ADPRHL1: variants seen among roughly 807,000 people sequenced by gnomAD.
ADPRHL1 encodes ADP-ribosylhydrolase like 1.
ADPRHL1 carries 43 observed loss-of-function variants against 44.1 expected under a neutral mutation model. The ratio of observed to expected loss-of-function variants is 0.98; its 90% CI spans 0.76 to 1.26. The LOEUF is 1.26. Ranked by LOEUF, ADPRHL1 falls within the 50% of genes most tolerant of loss-of-function variation. ADPRHL1 has a pLI of 0.00. For missense variants in ADPRHL1, 2,022 were observed against 2,496.9 expected, an observed-to-expected ratio of 0.81 and a Z score of 4.05; for synonymous variants, 878 against 1,017.4, an observed-to-expected ratio of 0.86 and a Z score of 2.61.
Position 113,403,424 on chromosome 13 carries a change from C to T in ADPRHL1, c.5858G>A (p.Arg1953Lys). ...RDQRAFDLSF[R>K]PMSVRASDTS... ...GTCGCTGGCCCTGACGCTCATTGGT[C>T]TGAAGGACAAATCGAAGGCCCTCTG... Residue 1953 changes from arginine to lysine, a missense_variant, in exon 8 of 8, where the codon AGA becomes AAA. Transcript: ENST00000612156. 8.1e-7 allele frequency: 1 copy of T among 1,232,100 alleles called. No individual in the cohort carries two copies. The highest frequency in any genetic ancestry group is 4.1e-5 in the South Asian group (1 of 24,298). The allele number at this position is 1,232,100 out of a possible 1,614,324, so 76.3% of individuals were successfully genotyped here. A position where few individuals can be genotyped will look rare whatever the true frequency, so the allele number is the denominator to read the frequency against.
At chr13:113,420,950 C>CA (rs1304763771) in intron 7 of ADPRHL1, among the ~76,000 whole-genome samples, 569 of 36,068 alleles carry the variant, frequency 0.016, 22 homozygotes, top group Non-Finnish European at 0.032. Context: ...CAACCCTACC[C>CA]CCCCCGACAC....
chr13:113,438,650 T>C (rs1170321115), intron 2 of ADPRHL1, among the ~76,000 whole-genome samples: 2 of 152,098 alleles, frequency 1.3e-5, no homozygotes, highest in Non-Finnish European at 2.9e-5. Flanking sequence ...GCCGAGATTG[T>C]GCCACTGGGT....
At chr13:113,420,847 C>A (rs2043912337) in intron 7 of ADPRHL1, among the ~76,000 whole-genome samples, 2 of 151,584 alleles carry the variant, frequency 1.3e-5, no homozygotes, top group Admixed American at 6.6e-5. Flanking sequence ...GACACCTCTA[C>A]CCCTGGGACA....
intron 2 of ADPRHL1, among the ~76,000 whole-genome samples, chr13:113,439,123 T>C (rs894937950): frequency 6.6e-5 from 10 of 152,166 alleles, no homozygotes; most frequent in African/African-American, 2.4e-4. Context: ...TTCCTTTTTT[T>C]TTTCTTTTTT....
chr13:113,430,185 G>C (rs1291498568), intron 3 of ADPRHL1, among the ~76,000 whole-genome samples: 1 of 152,224 alleles, frequency 6.6e-6, no homozygotes, highest in Admixed American at 6.5e-5. Flanking sequence ...CATTCCGCTA[G>C]TGTGCAAGCC....
intron 2 of ADPRHL1, among the ~76,000 whole-genome samples, chr13:113,435,151 CA>C (rs2139635897): frequency 1.8e-5 from 1 of 56,748 alleles, no homozygotes. Flanking sequence ...GGCACCCACG[CA>C]TAGAGTGAAC....
chr13:113,421,885 T>A (rs2043926238), intron 7 of ADPRHL1: 1 of 152,228 alleles, frequency 6.6e-6, no homozygotes, highest in Admixed American at 6.5e-5. Flanking sequence ...AGGCGAGCCC[T>A]TTAATGAAAT....
intron 1 of ADPRHL1, chr13:113,449,229 C>T (rs902770293): frequency 9.9e-7 from 1 of 1,014,538 alleles, no homozygotes; most frequent in African/African-American, 1.8e-5. Flanking sequence ...AGAGGCTCAC[C>T]CGGAAGGAGG....
chr13:113,445,655 C>T (rs2044130987), intron 1 of ADPRHL1, among the ~76,000 whole-genome samples: 1 of 152,156 alleles, frequency 6.6e-6, no homozygotes, highest in Non-Finnish European at 1.5e-5. Flanking sequence ...AAGATGGAGG[C>T]TTGGCCCACC....
Position 113,444,440 on chromosome 13 carries a change from G to T in ADPRHL1, c.364C>A (p.Pro122Thr), listed in dbSNP as rs1438552241. The change falls in exon 2 of 8, where the codon CCG becomes ACG. Residue 122 changes from proline (P) to threonine (T), a missense_variant. By Grantham distance (38) the Pro-to-Thr change is conservative. This residue lies in a region of ADPRHL1 where 437 missense variants were observed against 430.7 expected (regional missense o/e 1.01). Coordinates refer to ENST00000612156, the MANE Select transcript of ADPRHL1 (RefSeq NM_001394807.1). ...PNNYLLAWHTPFNEKGSGFGA... is the reference protein window; with the variant it reads ...PNNYLLAWHTTFNEKGSGFGA... ...TTTCCCTGACCTTTTTCATTGAACG[G>T]TGTGTGCCAGGCGAGAAGGTAGTTA... 2 of 1,614,008 alleles carry T rather than the reference G, an allele frequency of 1.2e-6. No homozygotes were observed. Among genetic ancestry groups the T allele is most frequent in the Non-Finnish European group, 1.7e-6 (2 of 1,179,970 alleles).
chr13:113,410,208 C>G (rs879405560), intron 7 of ADPRHL1: 7 of 834,442 alleles, frequency 8.4e-6, no homozygotes, highest in Non-Finnish European at 1.0e-5. Flanking sequence ...CTTCCCGAGA[C>G]GCCTCCCTCG....
At position 113,402,382 on chromosome 13, in the gene ADPRHL1, GC is replaced by G. The variant is rs1485832362; in HGVS notation, c.*995del. On this transcript the variant is annotated 3_prime_UTR_variant, in exon 8 of 8. Coordinates refer to ENST00000612156, the MANE Select transcript of ADPRHL1 (RefSeq NM_001394807.1). ...TCTCGAGGCAATGTGACCACAGGTG[GC>G]TTTGATTTCCTTCTTGTGCCTCTAG... 1.3e-5 allele frequency: 2 copies of G among 152,274 alleles called. No homozygotes were observed. The highest frequency in any genetic ancestry group is 3.8e-4 in the East Asian group (2 of 5,202). The allele number at this position is 152,274 out of a possible 1,614,324, so 9.4% of individuals were successfully genotyped here.
intron 4 of ADPRHL1, among the ~76,000 whole-genome samples, chr13:113,427,647 C>A (rs1392645606): frequency 6.6e-6 from 1 of 152,202 alleles, no homozygotes; most frequent in East Asian, 1.9e-4. Context: ...CGCTCCCACA[C>A]CAAACGGTAA....
intron 3 of ADPRHL1, among the ~76,000 whole-genome samples, chr13:113,430,136 C>G (rs2043996524): frequency 6.6e-6 from 1 of 152,232 alleles, no homozygotes; most frequent in South Asian, 2.1e-4. Flanking sequence ...ATGGCCACGT[C>G]TGGCCCCACT....
chr13:113,428,919 T>C, intron 4 of ADPRHL1, 33 bp downstream of exon 4: 1 of 1,610,710 alleles, frequency 6.2e-7, no homozygotes, highest in Middle Eastern at 1.7e-4. Flanking sequence ...AGATCTGCTC[T>C]GAGTGCGGAC....
chr13:113,428,688 C>T (rs1287206237), intron 4 of ADPRHL1, among the ~76,000 whole-genome samples: 1 of 152,238 alleles, frequency 6.6e-6, no homozygotes, highest in Non-Finnish European at 1.5e-5. Context: ...GTGGACCCGC[C>T]GGAGGCAAAT....
chr13:113,406,066 C>A lies in ADPRHL1; in HGVS notation c.3216G>T (p.Pro1072=), dbSNP rs543214515. The A allele has an allele frequency of 2.4e-6, 3 of 1,232,166 alleles. No homozygotes were observed. In the Admixed American group the frequency reaches 1.3e-4, roughly 52 times the overall value. 76.3% of individuals were successfully genotyped at this position (1,232,166 alleles called of 1,614,324 possible). A position where few individuals can be genotyped will look rare whatever the true frequency, so the allele number is the denominator to read the frequency against. ...VPGALEECRR[P]LLIESSQPLK... ...GGGGCTGAGAAGACTCTATTAGCAG[C>A]GGCCTTCTGCATTCCTCCAGCGCAC... The change falls in exon 8 of 8, where the codon CCG becomes CCT. Residue 1072 remains proline, a synonymous_variant. Transcript: ENST00000612156.
chr13:113,433,823 G>C lies in ADPRHL1; in HGVS notation c.424C>G (p.Arg142Gly). ...TCCAGCCGCTCAGGCTTCCAGTACC[G>C]CAGGCCGATGCACATGGCCTTGGTG... ...AATKAMCIGL[R>G]YWKPERLETL... Residue 142 changes from arginine (R) to glycine (G), a missense_variant, in exon 3 of 8, where the codon CGG becomes GGG. Coordinates refer to ENST00000612156, the MANE Select transcript of ADPRHL1 (RefSeq NM_001394807.1). 1 of 1,576,124 alleles carries C rather than the reference G, an allele frequency of 6.3e-7. No homozygotes were observed. Among genetic ancestry groups the C allele is most frequent in the South Asian group, 1.2e-5 (1 of 86,086 alleles).
chr13:113,400,357 G>A lies in ADPRHL1; in HGVS notation c.*3021C>T, dbSNP rs2043750537. The A allele has an allele frequency of 6.6e-6, 1 of 151,366 alleles. No individual in the cohort carries two copies. Among genetic ancestry groups the A allele is most frequent in the African/African-American group, 2.4e-5 (1 of 41,212 alleles). 9.4% of individuals were successfully genotyped at this position (151,366 alleles called of 1,614,324 possible). ...GACAGGGTTTCACTGTGTTAGCCAG[G>A]ATGGTCTTGATCTCCTGACCTCGTG... is the stretch of plus-strand genomic sequence containing the variant. On this transcript the variant is annotated 3_prime_UTR_variant, in exon 8 of 8. Coordinates refer to ENST00000612156, the MANE Select transcript of ADPRHL1 (RefSeq NM_001394807.1).
Sources: allele counts gnomAD v4.1 joint callset (sites outside exome capture counted in the v4.1 genomes callset), GRCh38; gene constraint gnomAD v4.1.1; regional missense constraint gnomAD v4.1.1; transcripts MANE v1.5; gene names NCBI Gene and HGNC (gene_info 2026-07-23, HGNC 2026-07-21).